Variants in RBFOX1 observed in about 807,000 individuals in gnomAD.
RBFOX1 encodes the protein RNA binding fox-1 homolog 1.
In RBFOX1, 8 loss-of-function variants were observed where a neutral mutation model predicts 57.7. The observed-to-expected ratio is 0.14, with a 90% CI of 0.08 to 0.25. The LOEUF is 0.25. Among genes scored for constraint, RBFOX1 ranks in the 10% least tolerant of loss-of-function variants. The pLI is 1.00. For missense variants in RBFOX1, 611 were observed against 548.5 expected, an observed-to-expected ratio of 1.11 and a Z score of -1.14; for synonymous variants, 326 against 222.4, an observed-to-expected ratio of 1.47 and a Z score of -4.15.
chr16:7,226,462 C>G (rs2093128672), intron 4 of RBFOX1, among the ~76,000 whole-genome samples: 1 of 152,136 alleles, frequency 6.6e-6, no homozygotes, highest in Non-Finnish European at 1.5e-5. Flanking sequence ...GTATGTGCAG[C>G]CTGCATTGAC....
At chr16:5,989,490 G>C (rs2060349385) in intron 4 of RBFOX1, among the ~76,000 whole-genome samples, 1 of 152,148 alleles carries the variant, frequency 6.6e-6, no homozygotes, top group Admixed American at 6.5e-5. Flanking sequence ...TTTTAATGTT[G>C]TGTTCAAAGT....
At chr16:5,579,135 A>G (rs543916263) in intron 2 of RBFOX1, among the ~76,000 whole-genome samples, 21 of 152,106 alleles carry the variant, frequency 1.4e-4, no homozygotes, top group African/African-American at 4.8e-4. Context: ...GGCATGAGCC[A>G]CCACGCCTGG....
rs528425417 is a variant in RBFOX1, at chr16:5,425,055, C to T, written c.220-42161C>T. Reference sequence around the variant, plus strand: ...TCCCTCCCTCTCTCTCTCTCTCCTTCCTTCCTTTCTTATCTATCTATCTAT... The same window carrying T: ...TCCCTCCCTCTCTCTCTCTCTCCTTTCTTCCTTTCTTATCTATCTATCTAT... On this transcript the variant is annotated intron_variant, in intron 1 of 2. Transcript: ENST00000585867. 7.3e-5 allele frequency among the ~76,000 whole-genome samples: 5 copies of T among 68,918 alleles called. 1 individual carries two copies. In the East Asian group the frequency reaches 2.6e-3, roughly 36 times the overall value. 45.2% of individuals were successfully genotyped at this position (68,918 alleles called of 152,430 possible).
intron 2 of RBFOX1, among the ~76,000 whole-genome samples, chr16:6,625,640 C>A (rs11077057): frequency 0.39 from 58,127 of 150,646 alleles, 11,853 homozygotes; most frequent in South Asian, 0.48. Flanking sequence ...CTATGTAGTT[C>A]CCCACCGCCC....
chr16:7,640,726 G>C (rs1002303353), intron 11 of RBFOX1, among the ~76,000 whole-genome samples: 3 of 152,164 alleles, frequency 2.0e-5, no homozygotes, highest in Non-Finnish European at 4.4e-5. Flanking sequence ...ATTTTCTTAA[G>C]AGGATCAACT....
At chr16:7,503,825 C>G (rs1328427880) in intron 4 of RBFOX1, among the ~76,000 whole-genome samples, 2 of 152,168 alleles carry the variant, frequency 1.3e-5, no homozygotes, top group Non-Finnish European at 2.9e-5. Context: ...GCCCTTCTGT[C>G]CATACAAGTA....
At chr16:6,982,273 G>A (rs2089125557) in intron 3 of RBFOX1, among the ~76,000 whole-genome samples, 1 of 152,132 alleles carries the variant, frequency 6.6e-6, no homozygotes, top group African/African-American at 2.4e-5. Flanking sequence ...CCCTTTTCCA[G>A]GTAACAAAGA....
chr16:7,148,671 T>C (rs1232195696), intron 4 of RBFOX1, among the ~76,000 whole-genome samples: 1 of 152,222 alleles, frequency 6.6e-6, no homozygotes, highest in Non-Finnish European at 1.5e-5. Flanking sequence ...ATTGAATAGA[T>C]GTGCCGCTCT....
Position 5,565,365 on chromosome 16 carries a change from C to T in RBFOX1, c.259-33537C>T, listed in dbSNP as rs553846425. 2.6e-5 allele frequency among the ~76,000 whole-genome samples: 4 copies of T among 152,250 alleles called. No individual in the cohort carries two copies. The South Asian group carries it at 8.3e-4, about 32-fold the overall frequency. ...TCATGGCCGGGCGCAGTGGCTCACT[C>T]CTGTAATCCCATCATTTTGGGAGGC... On this transcript the variant is annotated intron_variant, in intron 2 of 2. Transcript: ENST00000585867.
intron 4 of RBFOX1, among the ~76,000 whole-genome samples, chr16:7,508,465 C>T (rs1449115744): frequency 6.6e-6 from 1 of 152,220 alleles, no homozygotes; most frequent in African/African-American, 2.4e-5. Context: ...GCATACTGAG[C>T]TGGAGTCTTG....
chr16:6,302,009 G>A (rs2078879567), intron 1 of RBFOX1, among the ~76,000 whole-genome samples: 1 of 152,026 alleles, frequency 6.6e-6, no homozygotes, highest in Non-Finnish European at 1.5e-5. Flanking sequence ...GTTTACTGCA[G>A]GTTTTCAGTT....
chr16:6,443,753 A>G (rs968564682), intron 2 of RBFOX1, among the ~76,000 whole-genome samples: 1 of 140,098 alleles, frequency 7.1e-6, no homozygotes, highest in Non-Finnish European at 1.5e-5. Flanking sequence ...CCATCTGTCC[A>G]TCTACCCATC....
intron 2 of RBFOX1, among the ~76,000 whole-genome samples, chr16:6,587,022 G>A (rs1277385336): frequency 6.6e-6 from 1 of 152,122 alleles, no homozygotes; most frequent in Non-Finnish European, 1.5e-5. Context: ...GTGTGTGTGT[G>A]TGTGTGTTGA....
rs1420968944 is a variant in RBFOX1 at position 6,505,851 on chromosome 16, G to A, written c.-63-148752G>A. On this transcript the variant is annotated intron_variant, in intron 2 of 15. Transcript: ENST00000550418. ...ATGTATCCAGGTCCTACTCAGTGTT[G>A]GGGTAAGGAGCTGGTGCCACTGTTA... is the stretch of plus-strand genomic sequence containing the variant. 3.9e-5 allele frequency among the ~76,000 whole-genome samples: 6 copies of A among 152,124 alleles called. No individual in the cohort carries two copies. The East Asian group carries it at 1.2e-3, about 29-fold the overall frequency.
chr16:6,756,400 G>A (rs1018216498), intron 3 of RBFOX1, among the ~76,000 whole-genome samples: 1 of 152,062 alleles, frequency 6.6e-6, no homozygotes, highest in Non-Finnish European at 1.5e-5. Flanking sequence ...TAAGACACTG[G>A]CCTAGGCAAA....
chr16:6,939,134 GGTCACACCA>G (rs1424579851), intron 3 of RBFOX1, among the ~76,000 whole-genome samples: 1 of 152,074 alleles, frequency 6.6e-6, no homozygotes, highest in African/African-American at 2.4e-5. Flanking sequence ...AACCTGCCAA[GGTCACACCA>G]CTAACTAATG....
intron 4 of RBFOX1, among the ~76,000 whole-genome samples, chr16:5,986,583 C>G (rs2109028): frequency 0.53 from 79,689 of 151,590 alleles, 21,418 homozygotes; most frequent in African/African-American, 0.64. Context: ...GATTCGTTGT[C>G]TGTATCTAAA....
intron 4 of RBFOX1, among the ~76,000 whole-genome samples, chr16:7,090,826 C>G (rs1599200560): frequency 6.6e-6 from 1 of 152,272 alleles, no homozygotes; most frequent in African/African-American, 2.4e-5. Flanking sequence ...AGGATGTGAT[C>G]TGAGCTGAGC....
intron 4 of RBFOX1, among the ~76,000 whole-genome samples, chr16:7,365,768 C>G (rs2097431578): frequency 6.6e-6 from 1 of 152,158 alleles, no homozygotes; most frequent in African/African-American, 2.4e-5. Context: ...GATGTAAACA[C>G]AACTCAAGTC....
Sources: gnomAD v4.1 joint callset for allele counts (sites outside exome capture counted in the v4.1 genomes callset) on GRCh38, gnomAD v4.1.1 for gene constraint, MANE v1.5 for transcripts, NCBI Gene and HGNC (gene_info 2026-07-23, HGNC 2026-07-21) for gene names.